The following NKAIN3 variants were observed in gnomAD, a reference collection of about 807,000 sequenced individuals.
NKAIN3 encodes the protein sodium/potassium transporting ATPase interacting 3.
Under a neutral mutation model 30.2 loss-of-function variants are expected in NKAIN3, and 25 were observed. That is an observed-to-expected ratio of 0.83 (90% CI 0.60 to 1.16). The LOEUF is 1.16. Ranked by LOEUF, NKAIN3 falls within the 50% of genes most tolerant of loss-of-function variation. NKAIN3 has a pLI of 0.00. For missense variants in NKAIN3, 225 were observed against 254.1 expected (o/e 0.89, Z 0.78); for synonymous variants, 91 against 89.6 (o/e 1.02, Z -0.09).
intron 1 of NKAIN3, among the ~76,000 whole-genome samples, chr8:62,332,559 T>C (rs1730592593): frequency 6.6e-6 from 1 of 152,146 alleles, no homozygotes; most frequent in South Asian, 2.1e-4. Context: ...ACATGGATAA[T>C]AATGTAATTT....
chr8:62,577,873 T>C (rs1810166171), intron 1 of NKAIN3, among the ~76,000 whole-genome samples: 1 of 152,076 alleles, frequency 6.6e-6, no homozygotes, highest in South Asian at 2.1e-4. Context: ...TGGTTTTCTT[T>C]AGGCTTCGCT....
intron 1 of NKAIN3, among the ~76,000 whole-genome samples, chr8:62,493,792 T>G (rs1195996086): frequency 6.6e-6 from 1 of 152,178 alleles, no homozygotes; most frequent in Non-Finnish European, 1.5e-5. Context: ...TTGTGGCAGT[T>G]GTGAATTGGA....
intron 3 of NKAIN3, among the ~76,000 whole-genome samples, chr8:62,635,853 A>G (rs1002307582): frequency 7.9e-5 from 12 of 152,286 alleles, no homozygotes; most frequent in Admixed American, 5.9e-4. Flanking sequence ...AAGTTTTATC[A>G]TATTCCCATA....
chr8:62,249,393 G>C (rs963623873), intron 1 of NKAIN3, among the ~76,000 whole-genome samples: 1 of 152,198 alleles, frequency 6.6e-6, no homozygotes, highest in Non-Finnish European at 1.5e-5. Context: ...GCCGGGCGTC[G>C]CCACGCGGTC....
intron 3 of NKAIN3, among the ~76,000 whole-genome samples, chr8:62,667,167 A>G (rs1321157840): frequency 6.8e-6 from 1 of 147,692 alleles, no homozygotes; most frequent in Non-Finnish European, 1.5e-5. Flanking sequence ...GGGAGGGGAG[A>G]GGGATAGCAT....
intron 1 of NKAIN3, among the ~76,000 whole-genome samples, chr8:62,577,004 A>G (rs1014960883): frequency 3.3e-5 from 5 of 152,170 alleles, no homozygotes; most frequent in Admixed American, 3.3e-4. Context: ...TGGAAGTTAG[A>G]TAGAATAATT....
At chr8:62,656,132 G>C (rs1171903232) in intron 3 of NKAIN3, among the ~76,000 whole-genome samples, 1 of 152,102 alleles carries the variant, frequency 6.6e-6, no homozygotes, top group Non-Finnish European at 1.5e-5. Context: ...TTCATGGAAA[G>C]CTGCAGTACC....
intron 4 of NKAIN3, among the ~76,000 whole-genome samples, chr8:62,792,404 T>C (rs956963056): frequency 7.0e-6 from 1 of 143,352 alleles, no homozygotes; most frequent in Non-Finnish European, 1.5e-5. Flanking sequence ...TAACCTATTC[T>C]CAAACTTTCA....
chr8:62,615,903 T>C (rs1811438220), intron 3 of NKAIN3, among the ~76,000 whole-genome samples: 1 of 152,114 alleles, frequency 6.6e-6, no homozygotes, highest in East Asian at 1.9e-4. Flanking sequence ...AGTGCCTCTT[T>C]CAGCAATATT....
At position 62,972,283 on chromosome 8, in the gene NKAIN3, G is replaced by A. The variant is rs930795759; in HGVS notation, c.*6876G>A. 4.6e-5 allele frequency among the ~76,000 whole-genome samples: 7 copies of A among 151,654 alleles called. No individual in the cohort carries two copies. Among genetic ancestry groups the A allele is most frequent in the South Asian group, 2.1e-4 (1 of 4,810 alleles). On this transcript the variant is annotated 3_prime_UTR_variant, in exon 7 of 7. Coordinates refer to ENST00000623646, the MANE Select transcript of NKAIN3 (RefSeq NM_001304533.3). Reference sequence around the variant, plus strand: ...TCTTTTTCTTCAAGAACATAATATCGGCTGAAGTGGAATGAGTATTCAAAT... The same window carrying A: ...TCTTTTTCTTCAAGAACATAATATCAGCTGAAGTGGAATGAGTATTCAAAT...
intron 1 of NKAIN3, among the ~76,000 whole-genome samples, chr8:62,444,527 A>G (rs1292757833): frequency 5.3e-5 from 8 of 152,132 alleles, no homozygotes; most frequent in Non-Finnish European, 8.8e-5. Context: ...AGCTCTATCC[A>G]TGTTGCTAAA....
At chr8:62,385,297 G>T (rs774907527) in intron 1 of NKAIN3, among the ~76,000 whole-genome samples, 27 of 152,014 alleles carry the variant, frequency 1.8e-4, no homozygotes, top group Non-Finnish European at 3.7e-4. Context: ...AACCCTGGAG[G>T]GTACAACTCA....
chr8:62,545,234 C>G (rs941593214), intron 1 of NKAIN3, among the ~76,000 whole-genome samples: 1 of 152,172 alleles, frequency 6.6e-6, no homozygotes, highest in Admixed American at 6.6e-5. Context: ...GACATAAATA[C>G]AATTATAGCA....
intron 1 of NKAIN3, among the ~76,000 whole-genome samples, chr8:62,544,610 C>T (rs1808950253): frequency 6.6e-6 from 1 of 152,028 alleles, no homozygotes; most frequent in African/African-American, 2.4e-5. Flanking sequence ...AATTTAGATT[C>T]CCCTTTCAGC....
At chr8:62,787,219 T>C (rs1249186449) in intron 4 of NKAIN3, among the ~76,000 whole-genome samples, 1 of 152,180 alleles carries the variant, frequency 6.6e-6, no homozygotes, top group Non-Finnish European at 1.5e-5. Context: ...TCCAGTTTTA[T>C]ATGCTGTATG....
intron 5 of NKAIN3, among the ~76,000 whole-genome samples, chr8:62,951,729 C>T (rs1823289970): frequency 6.6e-6 from 1 of 152,136 alleles, no homozygotes; most frequent in Non-Finnish European, 1.5e-5. Context: ...TCCCAAAGTG[C>T]TGGAATTACA....
At chr8:62,848,188 A>AAT (rs1248533381) in intron 4 of NKAIN3, among the ~76,000 whole-genome samples, 1 of 152,092 alleles carries the variant, frequency 6.6e-6, no homozygotes, top group East Asian at 1.9e-4. Flanking sequence ...TGAATTTTAA[A>AAT]ATAGTTTTTC....
At chr8:62,799,791 G>A (rs1247372673) in intron 4 of NKAIN3, among the ~76,000 whole-genome samples, 2 of 152,152 alleles carry the variant, frequency 1.3e-5, no homozygotes, top group South Asian at 4.1e-4. Flanking sequence ...TATGGAATCA[G>A]CCCAAATGCC....
intron 1 of NKAIN3, among the ~76,000 whole-genome samples, chr8:62,370,916 A>G (rs866747262): frequency 7.2e-5 from 11 of 151,998 alleles, no homozygotes; most frequent in African/African-American, 2.4e-4. Flanking sequence ...AGATGCACCA[A>G]TCAAGTCTAT....
Sources: gnomAD v4.1 joint callset for allele counts (sites outside exome capture counted in the v4.1 genomes callset) on GRCh38, gnomAD v4.1.1 for gene constraint, MANE v1.5 for transcripts, NCBI Gene and HGNC (gene_info 2026-07-23, HGNC 2026-07-21) for gene names.